AMPH: variants seen among roughly 807,000 people sequenced by gnomAD.
The protein encoded by AMPH is amphiphysin.
In AMPH, 49 loss-of-function variants were observed where a neutral mutation model predicts 99.1. The observed-to-expected ratio is 0.49, with a 90% CI of 0.39 to 0.63. The LOEUF (loss-of-function observed/expected upper bound fraction) is 0.63, where lower values mean the gene tolerates loss of function less well. AMPH is among the 20% of genes least tolerant of loss of function. The pLI is 0.00. For synonymous variants in AMPH, 314 were observed against 317.3 expected (o/e 0.99, Z 0.11); for missense variants, 759 against 863.4 (o/e 0.88, Z 1.52).
rs191434293 is a variant in AMPH, at chr7:38,602,732, G to C, written c.69+28551C>G. Reference sequence around the variant, plus strand: ...GAAATCAGGATGTAGACATCTTTGAGAGTACATTATTCTGCCTACCACAGT... The same window carrying C: ...GAAATCAGGATGTAGACATCTTTGACAGTACATTATTCTGCCTACCACAGT... On this transcript the variant is annotated intron_variant, in intron 1 of 20. Coordinates refer to ENST00000356264, the MANE Select transcript of AMPH (RefSeq NM_001635.4). 2.1e-4 allele frequency among the ~76,000 whole-genome samples: 32 copies of C among 152,298 alleles called. No individual in the cohort carries two copies. The East Asian group carries it at 6.2e-3, about 29-fold the overall frequency.
At chr7:38,387,352 T>C (rs1189380148) in intron 20 of AMPH, among the ~76,000 whole-genome samples, 2 of 152,246 alleles carry the variant, frequency 1.3e-5, no homozygotes, top group Non-Finnish European at 2.9e-5. Flanking sequence ...TTAAGGCAGC[T>C]ATTATAAATT....
intron 7 of AMPH, among the ~76,000 whole-genome samples, chr7:38,468,692 A>G (rs1000970697): frequency 6.6e-6 from 1 of 152,206 alleles, no homozygotes; most frequent in African/African-American, 2.4e-5. Flanking sequence ...GCCTTTAACT[A>G]GTTCACTATT....
intron 4 of AMPH, among the ~76,000 whole-genome samples, chr7:38,493,069 T>C (rs1429247905): frequency 6.6e-6 from 1 of 152,190 alleles, no homozygotes; most frequent in East Asian, 1.9e-4. Context: ...GCTTTCCTCA[T>C]AAATAAATCT....
chr7:38,622,450 T>TAC (rs1340763607), intron 1 of AMPH, among the ~76,000 whole-genome samples: 2 of 74,772 alleles, frequency 2.7e-5, no homozygotes, highest in African/African-American at 6.4e-5. Flanking sequence ...TATGTATGAA[T>TAC]ACATACACAC....
At chr7:38,590,357 G>T (rs1424403992) in intron 1 of AMPH, among the ~76,000 whole-genome samples, 1 of 152,168 alleles carries the variant, frequency 6.6e-6, no homozygotes, top group Admixed American at 6.6e-5. Flanking sequence ...ATCTGGAGGG[G>T]TAGAAGTCAG....
chr7:38,602,038 C>T (rs1268584248), intron 1 of AMPH, among the ~76,000 whole-genome samples: 1 of 152,166 alleles, frequency 6.6e-6, no homozygotes, highest in Non-Finnish European at 1.5e-5. Context: ...AGGAAGGCAG[C>T]AAATAAAAGT....
At chr7:38,518,140 A>C (rs1156869539) in intron 2 of AMPH, among the ~76,000 whole-genome samples, 3 of 152,346 alleles carry the variant, frequency 2.0e-5, no homozygotes, top group Middle Eastern at 3.4e-3. Flanking sequence ...ACAAATGGTA[A>C]GCCTTAGTAG....
intron 1 of AMPH, among the ~76,000 whole-genome samples, chr7:38,585,682 C>T (rs563193281): frequency 1.4e-4 from 22 of 152,356 alleles, no homozygotes; most frequent in African/African-American, 2.4e-4. Flanking sequence ...AATAGCCTCA[C>T]GGTCCACCGT....
At chr7:38,438,185 C>T (rs1786364422) in intron 11 of AMPH, among the ~76,000 whole-genome samples, 1 of 152,192 alleles carries the variant, frequency 6.6e-6, no homozygotes, top group Non-Finnish European at 1.5e-5. Context: ...ATGAACATTA[C>T]CTCATGTTAA....
At position 38,448,036 on chromosome 7, in the gene AMPH, GT is replaced by G. The variant is rs1786858295; in HGVS notation, c.1018-11649del. 2.6e-5 allele frequency among the ~76,000 whole-genome samples: 4 copies of G among 152,134 alleles called. No individual in the cohort carries two copies. The South Asian group carries it at 8.3e-4, about 31-fold the overall frequency. On this transcript the variant is annotated intron_variant, in intron 11 of 20. Coordinates refer to ENST00000356264, the MANE Select transcript of AMPH (RefSeq NM_001635.4). ...TCTTTAGGAACAAGGCCAATCAGAA[GT>G]TATCTTTTATGTAATAGAAATACCT...
intron 2 of AMPH, among the ~76,000 whole-genome samples, chr7:38,522,918 C>T (rs1448230579): frequency 1.3e-5 from 2 of 151,754 alleles, no homozygotes; most frequent in Non-Finnish European, 1.5e-5. Flanking sequence ...ACCAGCCTGG[C>T]CAACATAGTG....
intron 17 of AMPH, among the ~76,000 whole-genome samples, chr7:38,395,417 T>C (rs1431827852): frequency 6.6e-6 from 1 of 152,210 alleles, no homozygotes; most frequent in African/African-American, 2.4e-5. Flanking sequence ...CTTTCTAAGG[T>C]AGAAACACAG....
intron 1 of AMPH, among the ~76,000 whole-genome samples, chr7:38,603,264 C>T (rs1793315585): frequency 7.2e-6 from 1 of 138,688 alleles, no homozygotes; most frequent in African/African-American, 2.8e-5. Context: ...TGCAGTGAGC[C>T]AAGATCAAGC....
At chr7:38,582,775 G>C (rs567036545) in intron 1 of AMPH, among the ~76,000 whole-genome samples, 2 of 152,108 alleles carry the variant, frequency 1.3e-5, no homozygotes, top group Non-Finnish European at 2.9e-5. Context: ...AAGTCACATC[G>C]GGGACGCACA....
chr7:38,613,804 C>A (rs1432834404), intron 1 of AMPH, among the ~76,000 whole-genome samples: 23 of 144,798 alleles, frequency 1.6e-4, no homozygotes, highest in Admixed American at 2.7e-4. Context: ...GAATAAAAGC[C>A]AAAAAAAAAA....
In AMPH at chr7:38,465,321, C is replaced by A. The variant is rs551583253; in HGVS notation, c.749+146G>T. ...AAGGCCAGACATAAATGTAAAAGCACAAAAATAAAATTAGTGTCAGCTTCT... is the reference window on the plus strand; with the variant it reads ...AAGGCCAGACATAAATGTAAAAGCAAAAAAATAAAATTAGTGTCAGCTTCT... On this transcript the variant is annotated intron_variant, in intron 9 of 20. Transcript: ENST00000356264. The A allele has an allele frequency of 5.8e-4, 370 of 638,926 alleles. 1 individual carries two copies. In the African/African-American group the frequency reaches 6.3e-3, roughly 11 times the overall value. The allele number at this position is 638,926 out of a possible 1,614,324, so 39.6% of individuals were successfully genotyped here. A position where few individuals can be genotyped will look rare whatever the true frequency, so the allele number is the denominator to read the frequency against.
In AMPH at chr7:38,532,457, T is replaced by A. The variant is rs112264579; in HGVS notation, c.150+2474A>T. Among the ~76,000 whole-genome samples the A allele has an allele frequency of 1.9e-3, 292 of 152,318 alleles. 3 individuals carry two copies. In the Middle Eastern group the frequency reaches 0.027, roughly 14 times the overall value. ...AATTACTTGTTCAAATTTCCCCAAG[T>A]TTTGAAGTTTCACACGTTTTAAAAT... On this transcript the variant is annotated intron_variant, in intron 2 of 20. Coordinates refer to ENST00000356264, the MANE Select transcript of AMPH (RefSeq NM_001635.4).
chr7:38,430,449 CA>C (rs1785966473), intron 13 of AMPH, among the ~76,000 whole-genome samples: 1 of 152,188 alleles, frequency 6.6e-6, no homozygotes, highest in Non-Finnish European at 1.5e-5. Flanking sequence ...TAGCTGTGAG[CA>C]ACTATGTTCA....
chr7:38,488,068 T>C (rs1226237140), intron 5 of AMPH, among the ~76,000 whole-genome samples: 1 of 152,220 alleles, frequency 6.6e-6, no homozygotes, highest in Middle Eastern at 3.2e-3. Flanking sequence ...GCTTTTACAC[T>C]GTTGGTGGGA....
Sources: allele counts gnomAD v4.1 joint callset (sites outside exome capture counted in the v4.1 genomes callset), GRCh38; gene constraint gnomAD v4.1.1; transcripts MANE v1.5; gene names NCBI Gene and HGNC (gene_info 2026-07-23, HGNC 2026-07-21).